The following TOP2B variants were observed in gnomAD, a reference collection of about 807,000 sequenced individuals.
TOP2B encodes DNA topoisomerase II beta.
TOP2B carries 51 observed loss-of-function variants against 193.5 expected under a neutral mutation model. That is an observed-to-expected ratio of 0.26 (90% CI 0.21 to 0.33). TOP2B has a LOEUF of 0.33. Among genes scored for constraint, TOP2B ranks in the 10% least tolerant of loss-of-function variants. TOP2B has a pLI of 1.00. For synonymous variants in TOP2B, 634 were observed against 635.7 expected (o/e 1.00, Z 0.04); for missense variants, 1,378 against 1,909.3 (o/e 0.72, Z 5.19).
chr3:25,643,557 A>C (rs1221689181), intron 3 of TOP2B, 137 bp downstream of exon 3: 4 of 622,802 alleles, frequency 6.4e-6, no homozygotes, highest in Non-Finnish European at 8.5e-6. Flanking sequence ...AATTTTCTGA[A>C]GATCATTTAT....
intron 7 of TOP2B, among the ~76,000 whole-genome samples, chr3:25,634,485 T>G (rs1218424020): frequency 6.6e-6 from 1 of 151,988 alleles, no homozygotes; most frequent in Non-Finnish European, 1.5e-5. Flanking sequence ...AAACCTAAGC[T>G]TTTGCTTACC....
chr3:25,629,016 A>G lies in TOP2B; in HGVS notation c.1800+19T>C, dbSNP rs374512453. The G allele has an allele frequency of 7.0e-6, 11 of 1,575,210 alleles. No individual in the cohort carries two copies. Among genetic ancestry groups the G allele is most frequent in the African/African-American group, 1.4e-5 (1 of 72,914 alleles). On this transcript the variant is annotated intron_variant, in intron 14 of 35. Transcript: ENST00000264331. ...CCCTTTAAGACAACAATATAAAAAT[A>G]TATTAATGCAAAGAGTACCTTTACA...
At chr3:25,614,167 A>C (rs1469209106) in intron 27 of TOP2B, among the ~76,000 whole-genome samples, 2 of 152,336 alleles carry the variant, frequency 1.3e-5, no homozygotes, top group East Asian at 3.9e-4. Flanking sequence ...GATAAATTAA[A>C]AGTGAAAGAG....
chr3:25,632,915 A>G, intron 8 of TOP2B, 121 bp from the exon 9 acceptor site: 1 of 813,008 alleles, frequency 1.2e-6, no homozygotes, highest in Non-Finnish European at 1.9e-6. Context: ...GAGAGTTGAG[A>G]TTTTAAAAAA....
At chr3:25,615,154 T>C (rs1398730640) in intron 27 of TOP2B, 51 bp downstream of exon 27, 4 of 1,492,038 alleles carry the variant, frequency 2.7e-6, no homozygotes, top group Admixed American at 1.9e-5. Context: ...ATTTCATTCT[T>C]GTTCATAAAC....
intron 1 of TOP2B, among the ~76,000 whole-genome samples, chr3:25,655,424 G>A (rs1400534725): frequency 2.6e-5 from 4 of 152,142 alleles, no homozygotes; most frequent in African/African-American, 7.2e-5. Context: ...CTGTTGGTGA[G>A]AATATAAAAT....
intron 34 of TOP2B, among the ~76,000 whole-genome samples, chr3:25,600,395 T>G (rs573879459): frequency 6.6e-6 from 1 of 152,246 alleles, no homozygotes; most frequent in African/African-American, 2.4e-5. Context: ...ATAAAGGCTT[T>G]CAATCCTGCA....
rs776846543 is a variant in TOP2B at position 25,609,219 on chromosome 3, C to T, written c.4057G>A (p.Val1353Ile). The T allele has an allele frequency of 6.2e-7, 1 of 1,608,964 alleles. No individual in the cohort carries two copies. Among genetic ancestry groups the T allele is most frequent in the Non-Finnish European group, 8.5e-7 (1 of 1,177,426 alleles). The change falls in exon 30 of 36, where the codon GTT becomes ATT. Residue 1353 changes from valine (V) to isoleucine (I), a missense_variant. By Grantham distance (29) the Val-to-Ile change is conservative. This residue lies in a region of TOP2B where 556 missense variants were observed against 584.2 expected (regional missense o/e 0.95). Coordinates refer to ENST00000264331, the MANE Select transcript of TOP2B (RefSeq NM_001330700.2). ...CTAAGCAAAGAATCTCTTGGAATAA[C>T]CACAGGTTCTGTTTCTTCCAAATCA... ...ESDLEETEPV[V>I]IPRDSLLRRA...
In TOP2B at chr3:25,598,278, G is replaced by A; in HGVS notation, c.*29C>T. 6.3e-7 allele frequency: 1 copy of A among 1,577,624 alleles called. No homozygotes were observed. The highest frequency in any genetic ancestry group is 8.6e-7 in the Non-Finnish European group (1 of 1,157,396). On this transcript the variant is annotated 3_prime_UTR_variant, in exon 36 of 36. Transcript: ENST00000264331. ...GACAAAAGGACAACACAAGATATTTGTTGAAAAATGTTTGTGCTCTTTGGG... is the reference window on the plus strand; with the variant it reads ...GACAAAAGGACAACACAAGATATTTATTGAAAAATGTTTGTGCTCTTTGGG...
intron 33 of TOP2B, among the ~76,000 whole-genome samples, chr3:25,603,451 C>A (rs1702159020): frequency 6.6e-6 from 1 of 152,140 alleles, no homozygotes; most frequent in Non-Finnish European, 1.5e-5. Context: ...CCATGTTGGC[C>A]AGGCTGGTCT....
rs145050641 is a variant in TOP2B, at chr3:25,617,624, T to A, written c.3351+794A>T. Reference sequence around the variant, plus strand: ...AATTATAACTATGTTTTAAAGATGTTAATGTTATGGAATCATATATGCACA... The same window carrying A: ...AATTATAACTATGTTTTAAAGATGTAAATGTTATGGAATCATATATGCACA... On this transcript the variant is annotated intron_variant, in intron 25 of 35. Transcript: ENST00000264331. Among the ~76,000 whole-genome samples, 184 of 152,318 alleles carry A rather than the reference T, an allele frequency of 1.2e-3. 1 individual carries two copies. The East Asian group carries it at 0.02, about 17-fold the overall frequency.
intron 2 of TOP2B, among the ~76,000 whole-genome samples, chr3:25,644,188 C>T (rs968287422): frequency 1.3e-5 from 2 of 151,318 alleles, no homozygotes; most frequent in Admixed American, 6.6e-5. Context: ...ACTTTGAATC[C>T]CAGTTCTTAC....
Position 25,612,683 on chromosome 3 carries a change from ATCT to A in TOP2B, c.3615_3617del (p.Glu1205del). 2 of 1,613,572 alleles carry A rather than the reference ATCT, an allele frequency of 1.2e-6. No homozygotes were observed. Among genetic ancestry groups the A allele is most frequent in the Non-Finnish European group, 1.7e-6 (2 of 1,179,684 alleles). The stretch of plus-strand genomic sequence containing the variant: ...CTTTTCCAGACATTCCAGCCAGAAC[ATCT>A]TCTCGTTCTTGAGATTCCACTTTCT... On this transcript the variant is annotated inframe_deletion, in exon 28 of 36. Transcript: ENST00000264331.
chr3:25,613,108 G>A (rs541114798), intron 27 of TOP2B, among the ~76,000 whole-genome samples: 4 of 151,970 alleles, frequency 2.6e-5, no homozygotes, highest in South Asian at 2.1e-4. Context: ...TGCTTTAGTC[G>A]TAATAGAAAA....
intron 1 of TOP2B, among the ~76,000 whole-genome samples, chr3:25,646,488 T>C (rs575957554): frequency 6.6e-6 from 1 of 152,302 alleles, no homozygotes; most frequent in Admixed American, 6.5e-5. Context: ...TTCCTTGTCT[T>C]CTTAAGAGCA....
At chr3:25,626,925 T>A in intron 16 of TOP2B, 61 bp from the exon 17 acceptor site, 1 of 1,040,394 alleles carries the variant, frequency 9.6e-7, no homozygotes, top group Non-Finnish European at 1.4e-6. Context: ...ATTACAAAAT[T>A]AAAATGTATA....
intron 32 of TOP2B, among the ~76,000 whole-genome samples, chr3:25,605,808 T>C (rs1702223031): frequency 6.6e-6 from 1 of 152,090 alleles, no homozygotes. Flanking sequence ...TAAACACAGA[T>C]AAGCATTTGC....
chr3:25,660,242 T>C lies in TOP2B; in HGVS notation c.69+3987A>G, dbSNP rs563928614. Among the ~76,000 whole-genome samples, 3 of 152,340 alleles carry C rather than the reference T, an allele frequency of 2.0e-5. No individual in the cohort carries two copies. The South Asian group carries it at 6.2e-4, about 32-fold the overall frequency. ...GAAGACTTTTTAGGAAGTCAGCATGTCAATTATCCAATTTTTAAATAACTG... is the reference window on the plus strand; with the variant it reads ...GAAGACTTTTTAGGAAGTCAGCATGCCAATTATCCAATTTTTAAATAACTG... On this transcript the variant is annotated intron_variant, in intron 1 of 35. Transcript: ENST00000264331.
Position 25,619,934 on chromosome 3 carries a change from T to C in TOP2B, c.2991A>G (p.Lys997=), listed in dbSNP as rs376037591. The change falls in exon 23 of 36, where the codon AAA becomes AAG. Residue 997 remains lysine, a synonymous_variant. Coordinates refer to ENST00000264331, the MANE Select transcript of TOP2B (RefSeq NM_001330700.2). ...VKFVVKMTEE[K]LAQAEAAGLH... The stretch of plus-strand genomic sequence containing the variant: ...GTCCAGCAGCTTCTGCTTGTGCTAG[T>C]TTCTCTTCAGTCATTTTCACCACAA... 1.9e-6 allele frequency: 3 copies of C among 1,613,276 alleles called. No individual in the cohort carries two copies. Among genetic ancestry groups the C allele is most frequent in the African/African-American group, 2.7e-5 (2 of 74,872 alleles).
Sources: gnomAD v4.1 joint callset for allele counts (sites outside exome capture counted in the v4.1 genomes callset) on GRCh38, gnomAD v4.1.1 for gene constraint, gnomAD v4.1.1 regional missense constraint, MANE v1.5 for transcripts, NCBI Gene and HGNC (gene_info 2026-07-23, HGNC 2026-07-21) for gene names.